Variants in SFMBT2 observed in about 807,000 individuals in gnomAD.
SFMBT2 encodes the protein Scm like with four mbt domains 2.
In SFMBT2, 38 loss-of-function variants were observed where a neutral mutation model predicts 110.1. The observed-to-expected ratio is 0.35, with a 90% CI of 0.27 to 0.45. The LOEUF is 0.45. SFMBT2 is among the 20% of genes least tolerant of loss of function. The pLI is 1.00. For missense variants in SFMBT2, 1,011 were observed against 1,094.9 expected, an observed-to-expected ratio of 0.92 and a Z score of 1.08; for synonymous variants, 425 against 425.4, an observed-to-expected ratio of 1.00 and a Z score of 0.01.
At chr10:7,338,135 A>G (rs1250892355) in intron 4 of SFMBT2, among the ~76,000 whole-genome samples, 2 of 152,238 alleles carry the variant, frequency 1.3e-5, no homozygotes, top group Non-Finnish European at 2.9e-5. Flanking sequence ...AAAAATAACA[A>G]TAAGTTGCCT....
chr10:7,289,651 G>A (rs561137723), intron 4 of SFMBT2, among the ~76,000 whole-genome samples: 19 of 152,226 alleles, frequency 1.2e-4, no homozygotes, highest in South Asian at 8.3e-4. Flanking sequence ...GAAAAGAAAC[G>A]TTCTCAAGAA....
chr10:7,316,704 T>C (rs867005922), intron 4 of SFMBT2, among the ~76,000 whole-genome samples: 4 of 152,168 alleles, frequency 2.6e-5, no homozygotes, highest in Middle Eastern at 3.2e-3. Flanking sequence ...TGCCTGTAAA[T>C]GAAGAGGTTC....
chr10:7,221,805 C>T (rs1839751719), intron 10 of SFMBT2, among the ~76,000 whole-genome samples: 1 of 152,064 alleles, frequency 6.6e-6, no homozygotes, highest in Admixed American at 6.6e-5. Context: ...TTTGGGTATA[C>T]TGTTCTCCGA....
chr10:7,332,861 T>C (rs1408501700), intron 4 of SFMBT2, among the ~76,000 whole-genome samples: 1 of 152,112 alleles, frequency 6.6e-6, no homozygotes. Flanking sequence ...CTAATGGAGA[T>C]GAGGTTTTTC....
intron 4 of SFMBT2, among the ~76,000 whole-genome samples, chr10:7,358,350 T>G (rs1444857200): frequency 6.8e-6 from 1 of 147,734 alleles, no homozygotes; most frequent in Non-Finnish European, 1.5e-5. Flanking sequence ...CCCTGTGACA[T>G]CAACATGGCC....
At chr10:7,385,862 T>C (rs1009349164) in intron 1 of SFMBT2, among the ~76,000 whole-genome samples, 4 of 152,092 alleles carry the variant, frequency 2.6e-5, no homozygotes, top group South Asian at 2.1e-4. Context: ...TAGCCAGGCG[T>C]GGTGGTGGGC....
At chr10:7,249,507 A>G in intron 7 of SFMBT2, 1 of 984,986 alleles carries the variant, frequency 1.0e-6, no homozygotes, top group Non-Finnish European at 1.2e-6. Context: ...CCCTGAGGAA[A>G]TAATACCTGC....
In SFMBT2 at chr10:7,176,619, C is replaced by A. The variant is rs1489591626; in HGVS notation, c.1809-454G>T. Reference sequence around the variant, plus strand: ...CAAATTCAGAACACTGAAAGGATATCTTTGTCAAGACTGTGTATCATATTG... The same window carrying A: ...CAAATTCAGAACACTGAAAGGATATATTTGTCAAGACTGTGTATCATATTG... On this transcript the variant is annotated intron_variant, in intron 16 of 20. Coordinates refer to ENST00000397167, the MANE Select transcript of SFMBT2 (RefSeq NM_001387889.1). The A allele has an allele frequency of 8.8e-6, 4 of 456,802 alleles. No individual in the cohort carries two copies. In the Admixed American group the frequency reaches 2.6e-4, roughly 29 times the overall value. 28.3% of individuals were successfully genotyped at this position (456,802 alleles called of 1,614,324 possible).
intron 1 of SFMBT2, among the ~76,000 whole-genome samples, chr10:7,384,552 T>G (rs1018994020): frequency 6.6e-6 from 1 of 152,146 alleles, no homozygotes; most frequent in Non-Finnish European, 1.5e-5. Flanking sequence ...TTATCTTATA[T>G]CCCCAGTGAA....
intron 4 of SFMBT2, among the ~76,000 whole-genome samples, chr10:7,337,552 T>C (rs1397714963): frequency 1.3e-5 from 2 of 152,178 alleles, no homozygotes; most frequent in African/African-American, 2.4e-5. Context: ...CTCTTCCTCT[T>C]TCTCCAGCCC....
At chr10:7,203,195 T>G (rs1839014330) in intron 12 of SFMBT2, 1 of 838,726 alleles carries the variant, frequency 1.2e-6, no homozygotes, top group East Asian at 1.2e-4. Flanking sequence ...CTTCTAAAGC[T>G]GCTAGAGTCT....
intron 4 of SFMBT2, chr10:7,287,301 G>C (rs948141027): frequency 1.2e-5 from 2 of 162,756 alleles, no homozygotes; most frequent in African/African-American, 2.4e-5. Flanking sequence ...AGATGGTCTC[G>C]ATCTCCTGAC....
intron 4 of SFMBT2, among the ~76,000 whole-genome samples, chr10:7,306,218 G>A (rs1476858041): frequency 3.3e-5 from 5 of 152,228 alleles, no homozygotes; most frequent in African/African-American, 1.2e-4. Context: ...GTGCTCTCCG[G>A]CAGGCTTCAG....
chr10:7,359,809 C>T (rs1324692498), intron 4 of SFMBT2, among the ~76,000 whole-genome samples: 3 of 152,224 alleles, frequency 2.0e-5, no homozygotes, highest in African/African-American at 7.2e-5. Flanking sequence ...ACCAACTCTA[C>T]AACTTTTCTC....
At chr10:7,271,291 CAAAAAAAA>C (rs56364927) in intron 7 of SFMBT2, among the ~76,000 whole-genome samples, 1 of 97,564 alleles carries the variant, frequency 1.0e-5, no homozygotes. Context: ...AGATTGCCTC[CAAAAAAAA>C]AAAAAAAAAA....
chr10:7,355,012 T>C (rs946489565), intron 4 of SFMBT2, among the ~76,000 whole-genome samples: 2 of 152,190 alleles, frequency 1.3e-5, no homozygotes, highest in African/African-American at 4.8e-5. Context: ...ACTATTTAGT[T>C]AAAAATCTAG....
chr10:7,367,948 G>A lies in SFMBT2; in HGVS notation c.196-59C>T. ...TACACTAGACACAATACATCCAGAA[G>A]ATGACAAAAACCACTAAAAAATATG... On this transcript the variant is annotated intron_variant, in intron 3 of 20. Coordinates refer to ENST00000397167, the MANE Select transcript of SFMBT2 (RefSeq NM_001387889.1). This position sits in a 1 kb window ranked among gnomAD's most constrained non-coding sequence, Gnocchi z 6.2. 1 of 1,568,524 alleles carries A rather than the reference G, an allele frequency of 6.4e-7. No homozygotes were observed. Among genetic ancestry groups the A allele is most frequent in the South Asian group, 1.2e-5 (1 of 84,024 alleles).
At chr10:7,383,866 T>C (rs909239457) in intron 1 of SFMBT2, among the ~76,000 whole-genome samples, 19 of 152,084 alleles carry the variant, frequency 1.2e-4, no homozygotes, top group Non-Finnish European at 2.5e-4. Flanking sequence ...GTGAGAGCTA[T>C]GGGTAAAATG....
At chr10:7,286,230 C>A (rs1366889144) in intron 4 of SFMBT2, 2 of 171,384 alleles carry the variant, frequency 1.2e-5, no homozygotes, top group African/African-American at 4.8e-5. Flanking sequence ...TTTTCACAAA[C>A]CACAAAGAAA....
Sources: gnomAD v4.1 joint callset for allele counts (sites outside exome capture counted in the v4.1 genomes callset) on GRCh38, gnomAD v4.1.1 for gene constraint, Gnocchi (gnomAD v3.1) non-coding constraint, MANE v1.5 for transcripts, NCBI Gene and HGNC (gene_info 2026-07-23, HGNC 2026-07-21) for gene names.